The following NDUFAF7 variants were observed in gnomAD, a reference collection of about 807,000 sequenced individuals.
The protein encoded by NDUFAF7 is protein arginine methyltransferase NDUFAF7, mitochondrial.
Under a neutral mutation model 47.2 loss-of-function variants are expected in NDUFAF7, and 48 were observed. That is an observed-to-expected ratio of 1.02 (90% CI 0.81 to 1.29). The LOEUF is 1.29. NDUFAF7 is among the 50% of genes most tolerant of loss of function. The pLI is 0.00. For synonymous variants in NDUFAF7, 217 were observed against 190.0 expected, an observed-to-expected ratio of 1.14 and a Z score of -1.17; for missense variants, 635 against 537.6, an observed-to-expected ratio of 1.18 and a Z score of -1.79.
downstream of NDUFAF7, among the ~76,000 whole-genome samples, chr2:37,257,931 G>C (rs1006756266): frequency 6.6e-6 from 1 of 152,156 alleles, no homozygotes; most frequent in African/African-American, 2.4e-5. Context: ...TATGTAAAGG[G>C]AGCCATAGTC....
downstream of NDUFAF7, chr2:37,252,511 G>C (rs1019764965): frequency 6.6e-6 from 1 of 152,132 alleles, no homozygotes; most frequent in Non-Finnish European, 1.5e-5. Flanking sequence ...TCCTTATGCT[G>C]TATAGAACAT....
At position 37,232,297 on chromosome 2, in the gene NDUFAF7, C is replaced by A. The variant is rs186337702; in HGVS notation, c.216+31C>A. ...GGTCGGGTAGCCCGAGGACTAGGCC[C>A]TCTCTAGCCGATTTGCGAGGTGCAA... On this transcript the variant is annotated intron_variant, in intron 2 of 9. Transcript: ENST00000002125. 8,874 of 1,611,798 alleles carry A rather than the reference C, an allele frequency of 5.5e-3. 55 individuals carry two copies. The highest frequency in any genetic ancestry group is 5.7e-3 in the Non-Finnish European group (6,758 of 1,179,600).
downstream of NDUFAF7, among the ~76,000 whole-genome samples, chr2:37,250,228 C>G (rs774868077): frequency 1.3e-5 from 2 of 151,902 alleles, no homozygotes; most frequent in Non-Finnish European, 2.9e-5. Flanking sequence ...ATTCTAGATT[C>G]CTGTATTTGT....
chr2:37,262,254 C>G, the NDUFAF7 span, among the ~76,000 whole-genome samples: 3 of 152,114 alleles, frequency 2.0e-5, no homozygotes, highest in African/African-American at 7.2e-5. Flanking sequence ...TTTCTTGAAG[C>G]CTTAATTTTA....
chr2:37,267,346 T>TAAA, the NDUFAF7 span: 397 of 783,852 alleles, frequency 5.1e-4, no homozygotes, highest in Middle Eastern at 1.2e-3. Context: ...TTTGCCTTCT[T>TAAA]AAAAAAAAAA....
the NDUFAF7 span, chr2:37,259,801 G>C: frequency 1.5e-6 from 1 of 669,282 alleles, no homozygotes; most frequent in Non-Finnish European, 2.6e-6. Context: ...AGCTAAAAGT[G>C]TGTTATTCTG....
chr2:37,256,453 T>A (rs1667945004), downstream of NDUFAF7, among the ~76,000 whole-genome samples: 3 of 152,114 alleles, frequency 2.0e-5, no homozygotes, highest in Admixed American at 2.0e-4. Context: ...ATGTAAGTGC[T>A]ATGCCTGGGA....
chr2:37,241,251 T>G (rs1482194748), intron 4 of NDUFAF7, among the ~76,000 whole-genome samples: 1 of 152,226 alleles, frequency 6.6e-6, no homozygotes, highest in Non-Finnish European at 1.5e-5. Context: ...AAATCAAGGC[T>G]GTGTACATTT....
downstream of NDUFAF7, chr2:37,251,881 A>G (rs1233044618): frequency 3.5e-5 from 4 of 113,142 alleles, no homozygotes; most frequent in Non-Finnish European, 6.9e-5. Flanking sequence ...AGTGGAGAAG[A>G]AAAAAAAAAA....
the NDUFAF7 span, chr2:37,259,503 C>T: frequency 1.8e-4 from 201 of 1,106,804 alleles, no homozygotes; most frequent in African/African-American, 2.6e-3. Flanking sequence ...ACCAACAGTA[C>T]TTAGTACACT....
chr2:37,240,031 A>G (rs1037317711), intron 4 of NDUFAF7, among the ~76,000 whole-genome samples: 2 of 152,234 alleles, frequency 1.3e-5, no homozygotes, highest in African/African-American at 2.4e-5. Context: ...AGTTGTTTAT[A>G]GTACCTGATA....
At chr2:37,244,093 G>T in intron 7 of NDUFAF7, 120 bp downstream of exon 7, 1 of 846,740 alleles carries the variant, frequency 1.2e-6, no homozygotes. Context: ...AGTAGCATAC[G>T]AGGTGCTTTT....
chr2:37,251,520 T>G (rs1463850714), downstream of NDUFAF7: 1 of 152,498 alleles, frequency 6.6e-6, no homozygotes, highest in African/African-American at 2.4e-5. Flanking sequence ...GCATACTGTT[T>G]GCTACTATTC....
chr2:37,269,502 TAAAA>T, the NDUFAF7 span: 2 of 838,780 alleles, frequency 2.4e-6, no homozygotes, highest in Non-Finnish European at 4.0e-6. Flanking sequence ...AGTCAGCCTT[TAAAA>T]AAAAGGCACT....
intron 5 of NDUFAF7, chr2:37,242,041 T>G (rs1157691208): frequency 5.6e-5 from 30 of 537,338 alleles, no homozygotes; most frequent in Non-Finnish European, 9.9e-6. Context: ...CCTTTGTACT[T>G]TTGAGTATTT....
chr2:37,260,113 C>A, the NDUFAF7 span: 1 of 971,826 alleles, frequency 1.0e-6, no homozygotes, highest in Non-Finnish European at 1.5e-6. Flanking sequence ...TGCAGTGAGC[C>A]AGATTGCACC....
At chr2:37,252,883 A>G (rs1667622093), downstream of NDUFAF7, 2 of 159,680 alleles carry the variant, frequency 1.3e-5, no homozygotes, top group Admixed American at 6.6e-5. Context: ...GGGAAGACAA[A>G]TTAAGTGAGC....
the NDUFAF7 span, among the ~76,000 whole-genome samples, chr2:37,266,064 T>C: frequency 6.6e-6 from 1 of 152,112 alleles, no homozygotes; most frequent in African/African-American, 2.4e-5. Context: ...TTCAACAGAG[T>C]ATGAATGCTA....
the NDUFAF7 span, among the ~76,000 whole-genome samples, chr2:37,262,742 A>G: frequency 6.6e-6 from 1 of 152,050 alleles, no homozygotes; most frequent in Non-Finnish European, 1.5e-5. Flanking sequence ...CTGTAACATT[A>G]TTTTTCTCCC....
Sources: gnomAD v4.1 joint callset for allele counts (sites outside exome capture counted in the v4.1 genomes callset) on GRCh38, gnomAD v4.1.1 for gene constraint, MANE v1.5 for transcripts, NCBI Gene and HGNC (gene_info 2026-07-23, HGNC 2026-07-21) for gene names.